Variants in BTRC observed in about 807,000 individuals in gnomAD.
BTRC encodes F-box/WD repeat-containing protein 1A.
In BTRC, 42 loss-of-function variants were observed where a neutral mutation model predicts 85.5. That is an observed-to-expected ratio of 0.49 (90% CI 0.38 to 0.64). BTRC has a LOEUF of 0.64. BTRC is among the 30% of genes least tolerant of loss of function. The pLI is 0.00. For missense variants in BTRC, 594 were observed against 743.5 expected, an observed-to-expected ratio of 0.80 and a Z score of 2.34; for synonymous variants, 255 against 263.3, an observed-to-expected ratio of 0.97 and a Z score of 0.30.
intron 7 of BTRC, among the ~76,000 whole-genome samples, chr10:101,531,833 G>T (rs2062286448): frequency 6.6e-6 from 1 of 152,226 alleles, no homozygotes; most frequent in African/African-American, 2.4e-5. Flanking sequence ...ATAAGTAGAT[G>T]AGAGAGTTAA....
At chr10:101,453,537 A>G (rs1945001593) in intron 2 of BTRC, 1 of 152,234 alleles carries the variant, frequency 6.6e-6, no homozygotes, top group Non-Finnish European at 1.5e-5. Context: ...CTTGAGCAAG[A>G]TGCTTACTCA....
intron 12 of BTRC, among the ~76,000 whole-genome samples, chr10:101,536,864 G>T (rs553390632): frequency 1.9e-4 from 29 of 152,172 alleles, no homozygotes; most frequent in African/African-American, 6.7e-4. Context: ...ATACTTGTTT[G>T]CACATGGTTG....
intron 1 of BTRC, among the ~76,000 whole-genome samples, chr10:101,422,999 T>C (rs1233573588): frequency 6.6e-6 from 1 of 152,232 alleles, no homozygotes; most frequent in Non-Finnish European, 1.5e-5. Context: ...TTTCCAATTC[T>C]GTGAAGAAAG....
chr10:101,487,390 C>T (rs1268781750), intron 4 of BTRC, among the ~76,000 whole-genome samples: 7 of 152,170 alleles, frequency 4.6e-5, no homozygotes, highest in African/African-American at 1.7e-4. Flanking sequence ...TACTTACTTG[C>T]AGACTTAAAC....
chr10:101,453,492 T>C (rs543146861), intron 2 of BTRC: 1 of 152,332 alleles, frequency 6.6e-6, no homozygotes, highest in African/African-American at 2.4e-5. Flanking sequence ...CAGATGTCTC[T>C]TCAAACAGGT....
At position 101,550,725 on chromosome 10, in the gene BTRC, A is replaced by C; in HGVS notation, c.1683A>C (p.Leu561=). 1.1e-5 allele frequency: 18 copies of C among 1,613,056 alleles called. No individual in the cohort carries two copies. The highest frequency in any genetic ancestry group is 1.5e-5 in the Non-Finnish European group (18 of 1,179,180). ...LVEHSGRVFR[L]QFDEFQIVSS... ...AGCATTCCGGAAGAGTTTTTCGACT[A>C]CAGTTTGATGAATTCCAGATTGTCA... is the stretch of plus-strand genomic sequence containing the variant. Residue 561 remains leucine, a synonymous_variant, in exon 14 of 15, where the codon CTA becomes CTC. Transcript: ENST00000370187.
At position 101,533,014 on chromosome 10, in the gene BTRC, C is replaced by G; in HGVS notation, c.1041C>G (p.Leu347=). ...TCACAGGCCATACAGGTTCAGTCCT[C>G]TGTCTCCAGTATGATGAGAGAGTGA... is the stretch of plus-strand genomic sequence containing the variant. ...RILTGHTGSV[L]CLQYDERVII... Residue 347 remains leucine, a synonymous_variant, in exon 9 of 15, where the codon CTC becomes CTG. Coordinates refer to ENST00000370187, the MANE Select transcript of BTRC (RefSeq NM_033637.4). 1 of 1,613,734 alleles carries G rather than the reference C, an allele frequency of 6.2e-7. No homozygotes were observed. The highest frequency in any genetic ancestry group is 8.5e-7 in the Non-Finnish European group (1 of 1,179,848).
upstream of BTRC, chr10:101,354,116 T>C: frequency 2.0e-6 from 3 of 1,534,492 alleles, no homozygotes; most frequent in Non-Finnish European, 2.6e-6. Flanking sequence ...GGGCGCTGCG[T>C]TGGCTGCGGC....
intron 1 of BTRC, among the ~76,000 whole-genome samples, chr10:101,367,371 CTAGGTCTATATTTA>C (rs1300720094): frequency 4.0e-5 from 6 of 151,740 alleles, no homozygotes; most frequent in Non-Finnish European, 8.8e-5. Context: ...TGCGCCTGGC[CTAGGTCTATATTTA>C]AGAAGAATGT....
chr10:101,533,311 A>G (rs1414409764), intron 9 of BTRC, among the ~76,000 whole-genome samples: 2 of 152,212 alleles, frequency 1.3e-5, no homozygotes, highest in East Asian at 3.8e-4. Context: ...AGGATCATCT[A>G]TTACAGAAAC....
intron 13 of BTRC, among the ~76,000 whole-genome samples, chr10:101,548,682 G>A (rs2062597524): frequency 6.6e-6 from 1 of 152,068 alleles, no homozygotes; most frequent in Non-Finnish European, 1.5e-5. Context: ...AACCTGGGAG[G>A]CGGAAGTTGC....
intron 1 of BTRC, among the ~76,000 whole-genome samples, chr10:101,365,213 A>C (rs183002192): frequency 5.5e-4 from 84 of 151,638 alleles, no homozygotes; most frequent in African/African-American, 1.9e-3. Context: ...AGCTGGGATT[A>C]CAGGCATGCA....
chr10:101,413,255 T>C (rs1589436770), intron 1 of BTRC, among the ~76,000 whole-genome samples: 1 of 152,246 alleles, frequency 6.6e-6, no homozygotes, highest in East Asian at 1.9e-4. Context: ...GCAATTCTCC[T>C]GCCTCAGCCT....
intron 1 of BTRC, among the ~76,000 whole-genome samples, chr10:101,395,377 TTGACTG>T (rs1943338679): frequency 6.6e-6 from 1 of 152,200 alleles, no homozygotes; most frequent in African/African-American, 2.4e-5. Context: ...TCTTCCTCCC[TTGACTG>T]TAAGTAGTGT....
chr10:101,495,788 T>G (rs1946243886), intron 4 of BTRC, among the ~76,000 whole-genome samples: 1 of 146,622 alleles, frequency 6.8e-6, no homozygotes, highest in Non-Finnish European at 1.5e-5. Flanking sequence ...CATACCTGTG[T>G]GATTACCATC....
At chr10:101,520,156 TTTGG>T (rs2062082403) in intron 4 of BTRC, among the ~76,000 whole-genome samples, 1 of 152,064 alleles carries the variant, frequency 6.6e-6, no homozygotes, top group Non-Finnish European at 1.5e-5. Flanking sequence ...TGTTTGTTTG[TTTGG>T]GGGGACAGAG....
intron 6 of BTRC, among the ~76,000 whole-genome samples, chr10:101,529,753 A>G (rs2062252393): frequency 6.6e-6 from 1 of 152,296 alleles, no homozygotes; most frequent in African/African-American, 2.4e-5. Context: ...ACTAATTTTC[A>G]GGGTATATAA....
At chr10:101,501,951 G>A (rs1946409256) in intron 4 of BTRC, among the ~76,000 whole-genome samples, 1 of 152,140 alleles carries the variant, frequency 6.6e-6, no homozygotes, top group Non-Finnish European at 1.5e-5. Flanking sequence ...ACCATTTTTA[G>A]TGACCCTCAA....
intron 3 of BTRC, 53 bp downstream of exon 3, chr10:101,462,111 G>T (rs1945242296): frequency 7.9e-7 from 1 of 1,262,148 alleles, no homozygotes; most frequent in Non-Finnish European, 1.1e-6. Flanking sequence ...CAAAACAAAA[G>T]ACAGGAGGAA....
Sources: allele counts gnomAD v4.1 joint callset (sites outside exome capture counted in the v4.1 genomes callset), GRCh38; gene constraint gnomAD v4.1.1; transcripts MANE v1.5; gene names NCBI Gene and HGNC (gene_info 2026-07-23, HGNC 2026-07-21).